The following ARNT variants were observed in gnomAD, a reference collection of about 807,000 sequenced individuals.
ARNT encodes the protein class E basic helix-loop-helix protein 2.
ARNT carries 30 observed loss-of-function variants against 105.0 expected under a neutral mutation model. That is an observed-to-expected ratio of 0.29 (90% CI 0.21 to 0.39). ARNT has a LOEUF of 0.39. Among genes scored for constraint, ARNT ranks in the 10% least tolerant of loss-of-function variants. The probability of loss-of-function intolerance (pLI) is 1.00; values close to 1 mark genes in which losing one functional copy is unlikely to be tolerated. For synonymous variants in ARNT, 304 were observed against 344.0 expected (o/e 0.88, Z 1.29); for missense variants, 748 against 978.7 (o/e 0.76, Z 3.15).
Position 150,823,363 on chromosome 1 carries a change from C to T in ARNT, c.1243-18G>A. ...TTCACTACCTGAAAAAGTTTTCATG[C>T]CATCAGTGGAACTCATAGAAAATTT... On this transcript the variant is annotated intron_variant, in intron 13 of 21. Transcript: ENST00000358595. 6.4e-7 allele frequency: 1 copy of T among 1,572,600 alleles called. No homozygotes were observed.
chr1:150,811,842 A>G lies in ARNT; in HGVS notation c.*179T>C. 2.5e-6 allele frequency: 1 copy of G among 407,830 alleles called. No homozygotes were observed. The highest frequency in any genetic ancestry group is 4.3e-6 in the Non-Finnish European group (1 of 231,950). The allele number at this position is 407,830 out of a possible 1,614,324, so 25.3% of individuals were successfully genotyped here. On this transcript the variant is annotated 3_prime_UTR_variant, in exon 22 of 22. Coordinates refer to ENST00000358595, the MANE Select transcript of ARNT (RefSeq NM_001668.4). ...CTTGGAGATTCATTCCATTTCTTCT[A>G]TAAATGTTACCTTAGAGAGGCAACA...
At position 150,823,330 on chromosome 1, in the gene ARNT, CT is replaced by C; in HGVS notation, c.1257del (p.Gly420AlafsTer20). On this transcript the variant is annotated frameshift_variant, in exon 14 of 22. Transcript: ENST00000358595. LOFTEE classifies it high-confidence loss of function. Reference sequence around the variant, plus strand: ...CGGAACATGACAGACAGCACTTGGCCTTTTAATTTCACTACCTGAAAAAGTT... The same window carrying C: ...CGGAACATGACAGACAGCACTTGGCCTTTAATTTCACTACCTGAAAAAGTT... Reference protein sequence around the residue: ...RDSFQQVVKLKGQVLSVMFRF... With the variant: ...RDSFQQVVKLXGQVLSVMFRF... 2 of 1,599,922 alleles carry C rather than the reference CT, an allele frequency of 1.3e-6. No individual in the cohort carries two copies. Among genetic ancestry groups the C allele is most frequent in the Non-Finnish European group, 8.5e-7 (1 of 1,170,968 alleles).
chr1:150,836,982 C>A (rs1319017054), intron 6 of ARNT, among the ~76,000 whole-genome samples: 2 of 152,118 alleles, frequency 1.3e-5, no homozygotes, highest in African/African-American at 2.4e-5. Context: ...GGGAGGATCA[C>A]CTGAGCCTGG....
At chr1:150,826,733 C>G (rs1344922513) in intron 12 of ARNT, 116 bp from the exon 13 acceptor site, 11 of 661,660 alleles carry the variant, frequency 1.7e-5, no homozygotes, top group East Asian at 1.4e-4. Flanking sequence ...CAACCTCCAC[C>G]TCCTGAGTTC....
chr1:150,810,438 T>TA lies in ARNT; in HGVS notation c.*1582dup, dbSNP rs970819675. The TA allele has an allele frequency of 1.3e-5, 3 of 222,568 alleles. No homozygotes were observed. Among genetic ancestry groups the TA allele is most frequent in the Non-Finnish European group, 2.7e-5 (3 of 111,144 alleles). The allele number at this position is 222,568 out of a possible 1,614,324, so 13.8% of individuals were successfully genotyped here. Reference sequence around the variant, plus strand: ...GTATACTGTAAGTGTGCACATAGAATAAAAAAATAAACTGTCTCCTTTTTT... The same window carrying TA: ...GTATACTGTAAGTGTGCACATAGAATAAAAAAAATAAACTGTCTCCTTTTTT... On this transcript the variant is annotated 3_prime_UTR_variant, in exon 22 of 22. Coordinates refer to ENST00000358595, the MANE Select transcript of ARNT (RefSeq NM_001668.4).
At chr1:150,821,400 T>G (rs587710795) in intron 14 of ARNT, among the ~76,000 whole-genome samples, 1 of 152,366 alleles carries the variant, frequency 6.6e-6, no homozygotes, top group East Asian at 1.9e-4. Context: ...TTTCACTGTT[T>G]ACTGCAATAT....
rs187022579 is a variant in ARNT, at chr1:150,864,404, C to A, written c.26-5944G>T. On this transcript the variant is annotated intron_variant, in intron 1 of 21. Coordinates refer to ENST00000358595, the MANE Select transcript of ARNT (RefSeq NM_001668.4). ...TAGACTGGATTAAGAAAATGTGGCA[C>A]ATATACACCATGGAATACTATGCAG... is the stretch of plus-strand genomic sequence containing the variant. 2.6e-3 allele frequency among the ~76,000 whole-genome samples: 391 copies of A among 151,978 alleles called. 1 individual carries two copies. Among genetic ancestry groups the A allele is most frequent in the Non-Finnish European group, 2.1e-3 (145 of 67,982 alleles).
At chr1:150,850,189 C>T (rs1268565484) in intron 3 of ARNT, among the ~76,000 whole-genome samples, 1 of 152,158 alleles carries the variant, frequency 6.6e-6, no homozygotes, top group African/African-American at 2.4e-5. Context: ...AGATCGAGAC[C>T]ATCCTGCCCA....
intron 1 of ARNT, among the ~76,000 whole-genome samples, chr1:150,862,154 C>G (rs1665757639): frequency 6.6e-6 from 1 of 152,102 alleles, no homozygotes; most frequent in Non-Finnish European, 1.5e-5. Context: ...TTACATAGTA[C>G]TCTGTACTAT....
At chr1:150,866,013 C>T (rs1666519036) in intron 1 of ARNT, among the ~76,000 whole-genome samples, 1 of 143,514 alleles carries the variant, frequency 7.0e-6, no homozygotes, top group African/African-American at 2.6e-5. Flanking sequence ...ACAGAGTCTT[C>T]GCTCTTTTGC....
intron 15 of ARNT, among the ~76,000 whole-genome samples, chr1:150,817,669 G>T (rs905093354): frequency 6.6e-5 from 10 of 151,840 alleles, no homozygotes; most frequent in Non-Finnish European, 1.2e-4. Flanking sequence ...ATTAGCCGGG[G>T]GTGGTGGCAG....
rs759685196 is a variant in ARNT at position 150,816,804 on chromosome 1, G to A, written c.1786C>T (p.Pro596Ser). Residue 596 changes from proline (P) to serine (S), a missense_variant, in exon 18 of 22, where the codon CCG becomes TCG. Physicochemically the swap from Pro to Ser is moderately conservative, Grantham distance 74 (BLOSUM62 -1). Around this residue, in one of 4 missense-constraint regions of ARNT, gnomAD observed 360 missense variants for 411.9 expected, o/e 0.87. Transcript: ENST00000358595. ...QGNTFPPTPR[P>S]AENFRNSGLA... ...GGGGCTCACCTGAAATTCTCTGCCG[G>A]CCGGGGGGTAGGAGGGAATGTGTTG... 32 of 1,582,436 alleles carry A rather than the reference G, an allele frequency of 2.0e-5. No individual in the cohort carries two copies. Among genetic ancestry groups the A allele is most frequent in the South Asian group, 1.9e-4 (16 of 86,092 alleles).
At chr1:150,850,815 G>A (rs1388559665) in intron 3 of ARNT, among the ~76,000 whole-genome samples, 15 of 151,764 alleles carry the variant, frequency 9.9e-5, no homozygotes, top group African/African-American at 3.6e-4. Flanking sequence ...CTTCCCGGCC[G>A]CCATCCCGTC....
chr1:150,811,939 T>C lies in ARNT; in HGVS notation c.*82A>G, dbSNP rs77768029. 3.5e-6 allele frequency: 4 copies of C among 1,140,296 alleles called. No individual in the cohort carries two copies. In the African/African-American group the frequency reaches 6.4e-5, roughly 18 times the overall value. 70.6% of individuals were successfully genotyped at this position (1,140,296 alleles called of 1,614,324 possible). On this transcript the variant is annotated 3_prime_UTR_variant, in exon 22 of 22. Coordinates refer to ENST00000358595, the MANE Select transcript of ARNT (RefSeq NM_001668.4). Reference sequence around the variant, plus strand: ...AGGGAAGGGAAGGGAGAGGAACTTTTATTCTGTTTACAGAAAGATTTGCTT... The same window carrying C: ...AGGGAAGGGAAGGGAGAGGAACTTTCATTCTGTTTACAGAAAGATTTGCTT...
At chr1:150,828,339 GTTTTT>G (rs1047268874) in intron 12 of ARNT, among the ~76,000 whole-genome samples, 1 of 90,248 alleles carries the variant, frequency 1.1e-5, no homozygotes, top group African/African-American at 3.7e-5. Flanking sequence ...TTTGGGTGTG[GTTTTT>G]TTTTTGTTTT....
chr1:150,834,603 C>T lies in ARNT; in HGVS notation c.738G>A (p.Lys246=), dbSNP rs891995802. ...TTCTCATGGAAGACTGCTGACCTTCCTTTTTCACTGTTCCAGTCTTTAGAT... is the reference window on the plus strand; with the variant it reads ...TTCTCATGGAAGACTGCTGACCTTCTTTTTTCACTGTTCCAGTCTTTAGAT... ...ILDLKTGTVK[K]EGQQSSMRMC... Residue 246 remains lysine, a synonymous_variant, in exon 8 of 22, where the codon AAG becomes AAA. Transcript: ENST00000358595. 4.3e-6 allele frequency: 7 copies of T among 1,613,892 alleles called. No homozygotes were observed. The highest frequency in any genetic ancestry group is 5.9e-6 in the Non-Finnish European group (7 of 1,179,964).
At chr1:150,860,449 C>G (rs1466081583) in intron 1 of ARNT, among the ~76,000 whole-genome samples, 1 of 151,360 alleles carries the variant, frequency 6.6e-6, no homozygotes, top group Non-Finnish European at 1.5e-5. Flanking sequence ...CTCCTGACCT[C>G]AAGTGATCCG....
intron 14 of ARNT, among the ~76,000 whole-genome samples, chr1:150,819,290 C>G (rs893389327): frequency 6.6e-6 from 1 of 151,376 alleles, no homozygotes; most frequent in Non-Finnish European, 1.5e-5. Context: ...CCTGGGAATG[C>G]AAAATGATGG....
intron 12 of ARNT, among the ~76,000 whole-genome samples, chr1:150,827,213 C>G (rs1280306963): frequency 2.0e-5 from 3 of 152,044 alleles, no homozygotes; most frequent in Non-Finnish European, 4.4e-5. Flanking sequence ...TTCAGCCATT[C>G]TAAGTGTATG....
Sources: gnomAD v4.1 joint callset for allele counts (sites outside exome capture counted in the v4.1 genomes callset) on GRCh38, gnomAD v4.1.1 for gene constraint, gnomAD v4.1.1 regional missense constraint, MANE v1.5 for transcripts, NCBI Gene and HGNC (gene_info 2026-07-23, HGNC 2026-07-21) for gene names.